Variants in TMEM87B observed in about 807,000 individuals in gnomAD.
The protein encoded by TMEM87B is transmembrane protein 87B.
A neutral mutation model predicts 80.3 loss-of-function variants in TMEM87B; 83 were observed. The observed-to-expected ratio is 1.03, with a 90% confidence interval of 0.87 to 1.24. TMEM87B has a LOEUF of 1.24. Ranked by LOEUF, TMEM87B falls within the 50% of genes most tolerant of loss-of-function variation. The pLI is 0.00. For synonymous variants in TMEM87B, 219 were observed against 230.5 expected, an observed-to-expected ratio of 0.95 and a Z score of 0.45; for missense variants, 625 against 674.4, an observed-to-expected ratio of 0.93 and a Z score of 0.81.
Position 112,077,262 on chromosome 2 carries a change from A to G in TMEM87B, c.572A>G (p.Asp191Gly). The change falls in exon 6 of 19, where the codon GAT becomes GGT. Residue 191 changes from aspartate to glycine, a missense_variant. Transcript: ENST00000283206. The part of the protein sequence containing the change: ...FIVSIKTENT[D>G]ASWNLNVSLS... ...GTTTCTATTAAAACGGAGAATACAGATGCAAGCTGGAATTTGAATGGTATA... is the reference window on the plus strand; with the variant it reads ...GTTTCTATTAAAACGGAGAATACAGGTGCAAGCTGGAATTTGAATGGTATA... 1 of 1,586,470 alleles carries G rather than the reference A, an allele frequency of 6.3e-7. No individual in the cohort carries two copies. The highest frequency in any genetic ancestry group is 2.3e-5 in the East Asian group (1 of 43,906).
intron 2 of TMEM87B, among the ~76,000 whole-genome samples, chr2:112,060,869 A>G (rs1156612801): frequency 6.6e-6 from 1 of 152,198 alleles, no homozygotes. Flanking sequence ...CTTCTTTCAG[A>G]AAATGTAATG....
At chr2:112,056,773 A>C (rs1259161694) in intron 1 of TMEM87B, among the ~76,000 whole-genome samples, 1 of 152,156 alleles carries the variant, frequency 6.6e-6, no homozygotes, top group Admixed American at 6.5e-5. Context: ...ATCTTTTAAG[A>C]CCTAGTGCAG....
At chr2:112,068,085 G>A (rs1229757127) in intron 4 of TMEM87B, among the ~76,000 whole-genome samples, 2 of 152,074 alleles carry the variant, frequency 1.3e-5, no homozygotes, top group African/African-American at 2.4e-5. Flanking sequence ...GTGGTGGTAC[G>A]CACCTGTAAT....
chr2:112,083,256 G>T (rs563083767), intron 8 of TMEM87B, among the ~76,000 whole-genome samples: 1 of 152,350 alleles, frequency 6.6e-6, no homozygotes, highest in African/African-American at 2.4e-5. Flanking sequence ...AAGGTCTCTT[G>T]TGACTTCTTG....
At chr2:112,082,577 A>G (rs933400949) in intron 8 of TMEM87B, among the ~76,000 whole-genome samples, 1 of 152,166 alleles carries the variant, frequency 6.6e-6, no homozygotes, top group Admixed American at 6.5e-5. Flanking sequence ...GTTTAAAAGG[A>G]CATGTACCAA....
At chr2:112,103,011 G>A (rs551926501) in intron 15 of TMEM87B, among the ~76,000 whole-genome samples, 12 of 152,296 alleles carry the variant, frequency 7.9e-5, no homozygotes, top group African/African-American at 2.9e-4. Flanking sequence ...AAAGGAGGAA[G>A]TAAAACTGTG....
intron 6 of TMEM87B, among the ~76,000 whole-genome samples, 166 bp from the exon 7 acceptor site, chr2:112,080,891 G>T (rs1678975841): frequency 6.6e-6 from 1 of 152,140 alleles, no homozygotes; most frequent in Non-Finnish European, 1.5e-5. Context: ...TCTTGGTAAG[G>T]TTACATAATC....
rs755825648 is a variant in TMEM87B at position 112,089,669 on chromosome 2, T to C, written c.983T>C (p.Leu328Pro). ...TVMHRVIGLG[L>P]LYLIFAAVEG... ...ATGCACCGGGTGATCGGACTGGGGC[T>C]TCTATACTTAATCTTTGCAGCTGTT... The change falls in exon 10 of 19, where the codon CTT becomes CCT. Residue 328 changes from leucine to proline, a missense_variant. Physicochemically the swap from Leu to Pro is moderately conservative, Grantham distance 98 (BLOSUM62 -3). Coordinates refer to ENST00000283206, the MANE Select transcript of TMEM87B (RefSeq NM_032824.3). 1.4e-5 allele frequency: 22 copies of C among 1,614,208 alleles called. No individual in the cohort carries two copies. The South Asian group carries it at 2.3e-4, about 17-fold the overall frequency.
At chr2:112,094,161 C>CTTTTTT (rs755031584) in intron 11 of TMEM87B, among the ~76,000 whole-genome samples, 3 of 128,758 alleles carry the variant, frequency 2.3e-5, no homozygotes, top group Non-Finnish European at 5.1e-5. Context: ...ATTTCTTGTT[C>CTTTTTT]TTTTTTTTTT....
At chr2:112,089,573 T>G in intron 9 of TMEM87B, 52 bp from the exon 10 acceptor site, 1 of 1,547,592 alleles carries the variant, frequency 6.5e-7, no homozygotes, top group Non-Finnish European at 8.9e-7. Context: ...TCAGGTGCAT[T>G]TTACTCACCC....
chr2:112,101,299 A>G (rs1679624491), intron 15 of TMEM87B, among the ~76,000 whole-genome samples: 1 of 152,118 alleles, frequency 6.6e-6, no homozygotes, highest in African/African-American at 2.4e-5. Flanking sequence ...TGGTTCTCTA[A>G]TACATCGATG....
At chr2:112,068,755 A>T (rs904017475) in intron 4 of TMEM87B, among the ~76,000 whole-genome samples, 3 of 152,208 alleles carry the variant, frequency 2.0e-5, no homozygotes, top group Non-Finnish European at 4.4e-5. Context: ...CTGATGAATT[A>T]TAGAACATTT....
intron 11 of TMEM87B, among the ~76,000 whole-genome samples, chr2:112,094,958 C>T (rs1679413753): frequency 6.6e-6 from 1 of 151,180 alleles, no homozygotes; most frequent in Non-Finnish European, 1.5e-5. Flanking sequence ...AATACGTATA[C>T]AATTGAGTGC....
chr2:112,077,038 CAAAAA>C (rs35044756), intron 5 of TMEM87B, among the ~76,000 whole-genome samples, 149 bp from the exon 6 acceptor site: 1 of 85,372 alleles, frequency 1.2e-5, no homozygotes, highest in Non-Finnish European at 2.4e-5. Flanking sequence ...ACCCCCATCT[CAAAAA>C]AAAAAAAAAA....
chr2:112,068,127 T>A (rs1395408387), intron 4 of TMEM87B, among the ~76,000 whole-genome samples: 1 of 152,038 alleles, frequency 6.6e-6, no homozygotes, highest in Non-Finnish European at 1.5e-5. Flanking sequence ...GGCAGGAGAA[T>A]CACTTGAACC....
chr2:112,065,643 CAAAAAAAAAAAA>C (rs58619427), intron 3 of TMEM87B, among the ~76,000 whole-genome samples: 2 of 75,352 alleles, frequency 2.7e-5, no homozygotes, highest in Non-Finnish European at 5.4e-5. Context: ...ACCTTGTCTT[CAAAAAAAAAAAA>C]AAAAAAAAAA....
intron 8 of TMEM87B, among the ~76,000 whole-genome samples, chr2:112,083,549 G>A (rs1478783060): frequency 6.6e-6 from 1 of 152,218 alleles, no homozygotes; most frequent in Non-Finnish European, 1.5e-5. Flanking sequence ...CTGGTCTGGA[G>A]CAATGGTTCT....
chr2:112,103,652 G>A (rs1417292391), intron 15 of TMEM87B, among the ~76,000 whole-genome samples: 1 of 152,164 alleles, frequency 6.6e-6, no homozygotes, highest in Non-Finnish European at 1.5e-5. Flanking sequence ...CAGGTTAGAG[G>A]AGGGGGAAAG....
At chr2:112,059,736 T>C (rs1040665809) in intron 1 of TMEM87B, among the ~76,000 whole-genome samples, 13 of 152,222 alleles carry the variant, frequency 8.5e-5, no homozygotes, top group Non-Finnish European at 1.5e-4. Flanking sequence ...TTACCTCTTA[T>C]GTGTCACTGG....
Sources: gnomAD v4.1 joint callset for allele counts (sites outside exome capture counted in the v4.1 genomes callset) on GRCh38, gnomAD v4.1.1 for gene constraint, MANE v1.5 for transcripts, NCBI Gene and HGNC (gene_info 2026-07-23, HGNC 2026-07-21) for gene names.